KCNIP4: variants seen among roughly 807,000 people sequenced by gnomAD.
KCNIP4 encodes potassium voltage-gated channel interacting protein 4.
In KCNIP4, 12 loss-of-function variants were observed where a neutral mutation model predicts 34.0. That is an observed-to-expected ratio of 0.35 (90% confidence interval 0.23 to 0.57). KCNIP4 has a LOEUF of 0.57. KCNIP4 is among the 20% of genes least tolerant of loss of function. The pLI is 0.83. For synonymous variants in KCNIP4, 124 were observed against 102.2 expected, an observed-to-expected ratio of 1.21 and a Z score of -1.29; for missense variants, 238 against 311.7, an observed-to-expected ratio of 0.76 and a Z score of 1.78.
chr4:20,736,347 T>C (rs1749627133), intron 5 of KCNIP4, among the ~76,000 whole-genome samples: 1 of 152,198 alleles, frequency 6.6e-6, no homozygotes, highest in African/African-American at 2.4e-5. Flanking sequence ...TTTTTTCTCA[T>C]CATTATTTCT....
At chr4:21,688,191 C>A (rs771113828) in intron 1 of KCNIP4, among the ~76,000 whole-genome samples, 7 of 152,140 alleles carry the variant, frequency 4.6e-5, no homozygotes, top group Non-Finnish European at 1.0e-4. Context: ...TAAGTATTAC[C>A]GGTTGAGTAT....
At chr4:21,298,900 C>A (rs1371977758) in intron 1 of KCNIP4, among the ~76,000 whole-genome samples, 5 of 152,066 alleles carry the variant, frequency 3.3e-5, no homozygotes, top group Non-Finnish European at 7.4e-5. Flanking sequence ...CTCCCCTTTG[C>A]AAAATTATTA....
chr4:21,193,571 A>ATTTTTTTTTTTTTTTTT (rs71655619), intron 1 of KCNIP4, among the ~76,000 whole-genome samples: 1 of 119,238 alleles, frequency 8.4e-6, no homozygotes, highest in Non-Finnish European at 1.6e-5. Flanking sequence ...GCAATTTTAA[A>ATTTTTTTTTTTTTTTTT]TTTTTTTTTT....
At chr4:21,181,576 C>A (rs1341651532) in intron 1 of KCNIP4, among the ~76,000 whole-genome samples, 1 of 152,040 alleles carries the variant, frequency 6.6e-6, no homozygotes, top group Admixed American at 6.6e-5. Flanking sequence ...ATGGTTGATA[C>A]CATGGTATAA....
chr4:21,707,940 C>T (rs1210051046), intron 1 of KCNIP4, among the ~76,000 whole-genome samples: 6 of 127,456 alleles, frequency 4.7e-5, no homozygotes, highest in Non-Finnish European at 7.6e-5. Flanking sequence ...CATACACACA[C>T]ACACACACAC....
At chr4:21,351,151 C>T (rs910415403) in intron 1 of KCNIP4, among the ~76,000 whole-genome samples, 1 of 152,066 alleles carries the variant, frequency 6.6e-6, no homozygotes, top group East Asian at 1.9e-4. Context: ...AAATGTAGTA[C>T]CATCCTAAAT....
At chr4:20,844,703 T>A (rs1720154502) in intron 3 of KCNIP4, among the ~76,000 whole-genome samples, 1 of 152,184 alleles carries the variant, frequency 6.6e-6, no homozygotes, top group Admixed American at 6.5e-5. Context: ...TCGGACGTAG[T>A]GCTTTTTATG....
In KCNIP4 at chr4:20,749,739, T is replaced by C; in HGVS notation, c.359-7A>G. ...TGTGCATATGTTGTAGAGTCTGAAA[T>C]GGTAAAAAGGGAGTATCATTAAGTC... On this transcript the variant is annotated splice_region_variant and splice_polypyrimidine_tract_variant and intron_variant, in intron 4 of 8. Coordinates refer to ENST00000382152, the MANE Select transcript of KCNIP4 (RefSeq NM_025221.6). 5.6e-6 allele frequency: 9 copies of C among 1,593,522 alleles called. No homozygotes were observed. Among genetic ancestry groups the C allele is most frequent in the Non-Finnish European group, 6.9e-6 (8 of 1,163,810 alleles).
chr4:21,191,350 C>T (rs6843950), intron 1 of KCNIP4, among the ~76,000 whole-genome samples: 6,381 of 152,252 alleles, frequency 0.042, 466 homozygotes, highest in African/African-American at 0.15. Flanking sequence ...ATTGATTCTG[C>T]CACATACGAA....
chr4:21,836,802 C>T (rs1723349714), intron 1 of KCNIP4, among the ~76,000 whole-genome samples: 1 of 151,774 alleles, frequency 6.6e-6, no homozygotes, highest in Admixed American at 6.6e-5. Context: ...GGTCAGACAA[C>T]TGAGATATAT....
chr4:21,004,849 T>C (rs1423414193), intron 1 of KCNIP4, among the ~76,000 whole-genome samples: 1 of 152,018 alleles, frequency 6.6e-6, no homozygotes, highest in Non-Finnish European at 1.5e-5. Context: ...GTTTCTGTTT[T>C]ACGGGATTCA....
At chr4:20,912,434 G>A (rs1728415705) in intron 1 of KCNIP4, among the ~76,000 whole-genome samples, 1 of 152,082 alleles carries the variant, frequency 6.6e-6, no homozygotes, top group Non-Finnish European at 1.5e-5. Flanking sequence ...TTCATTTATA[G>A]GCTGGGTGCA....
At chr4:20,910,185 G>A (rs1728193862) in intron 1 of KCNIP4, among the ~76,000 whole-genome samples, 1 of 151,666 alleles carries the variant, frequency 6.6e-6, no homozygotes, top group African/African-American at 2.4e-5. Context: ...TCTCCTACTG[G>A]CTCACCTCAC....
intron 1 of KCNIP4, among the ~76,000 whole-genome samples, chr4:21,862,628 T>C (rs962588578): frequency 3.9e-5 from 6 of 152,186 alleles, no homozygotes; most frequent in African/African-American, 1.4e-4. Context: ...TCACTGATGA[T>C]TCCCAGCCAG....
chr4:21,795,428 G>C (rs929758895), intron 1 of KCNIP4, among the ~76,000 whole-genome samples: 2 of 152,274 alleles, frequency 1.3e-5, no homozygotes, highest in African/African-American at 4.8e-5. Context: ...AGTTCTCAAA[G>C]GGAAAGCTGC....
chr4:21,840,758 C>G (rs550886451), intron 1 of KCNIP4, among the ~76,000 whole-genome samples: 20 of 152,272 alleles, frequency 1.3e-4, no homozygotes, highest in Non-Finnish European at 2.5e-4. Flanking sequence ...CAGAATTCAT[C>G]ACCTTAATGG....
At chr4:21,031,261 C>T (rs1387849346) in intron 1 of KCNIP4, among the ~76,000 whole-genome samples, 2 of 152,198 alleles carry the variant, frequency 1.3e-5, no homozygotes, top group East Asian at 1.9e-4. Flanking sequence ...ATGAAACACT[C>T]GTTAATTTTT....
chr4:21,447,258 T>A (rs1728110420), intron 1 of KCNIP4, among the ~76,000 whole-genome samples: 1 of 152,056 alleles, frequency 6.6e-6, no homozygotes, highest in African/African-American at 2.4e-5. Flanking sequence ...ATGCTGGCCA[T>A]GAAGATCGGA....
chr4:21,184,149 A>G (rs180881196), intron 1 of KCNIP4, among the ~76,000 whole-genome samples: 4 of 152,228 alleles, frequency 2.6e-5, no homozygotes, highest in African/African-American at 9.6e-5. Flanking sequence ...CAAGTTACTT[A>G]ATTTCCCTAT....
Sources: gnomAD v4.1 joint callset for allele counts (sites outside exome capture counted in the v4.1 genomes callset) on GRCh38, gnomAD v4.1.1 for gene constraint, MANE v1.5 for transcripts, NCBI Gene and HGNC (gene_info 2026-07-23, HGNC 2026-07-21) for gene names.